Variants in SVIL observed in about 807,000 individuals in gnomAD.
SVIL encodes archvillin.
A neutral mutation model predicts 240.4 loss-of-function variants in SVIL; 101 were observed. That is an observed-to-expected ratio of 0.42 (90% CI 0.36 to 0.50). SVIL has a LOEUF of 0.50. Among genes scored for constraint, SVIL ranks in the 20% least tolerant of loss-of-function variants. SVIL has a pLI of 0.01. For missense variants in SVIL, 2,512 were observed against 2,818.7 expected (o/e 0.89, Z 2.46); for synonymous variants, 999 against 1,100.0 (o/e 0.91, Z 1.82).
At position 29,624,416 on chromosome 10, in the gene SVIL, T is replaced by C. The variant is rs183196953; in HGVS notation, c.-201+10004A>G. On this transcript the variant is annotated intron_variant, in intron 1 of 37. Coordinates refer to ENST00000355867, the MANE Select transcript of SVIL (RefSeq NM_021738.3). ...AGCCGGGTGTGGTGGCACACACCTG[T>C]AATCCCAGCTACTCAGGAGGCTGAG... Among the ~76,000 whole-genome samples the C allele has an allele frequency of 9.1e-3, 1,391 of 152,204 alleles. 23 individuals are homozygous for C. The highest frequency in any genetic ancestry group is 0.032 in the African/African-American group (1,320 of 41,526).
chr10:29,629,595 T>TTATTGTTCATCCCTTCTACTCTGACTG (rs1554881724), intron 1 of SVIL, among the ~76,000 whole-genome samples: 6 of 150,286 alleles, frequency 4.0e-5, no homozygotes, highest in South Asian at 2.1e-4. Flanking sequence ...GCACATGGTA[T>TTATTGTTCATCCCTTCTACTCTGACTG]GTGCCCAAGC....
At chr10:29,633,628 G>C (rs908382378) in intron 1 of SVIL, among the ~76,000 whole-genome samples, 1 of 151,516 alleles carries the variant, frequency 6.6e-6, no homozygotes, top group Admixed American at 6.6e-5. Flanking sequence ...ATGACTGCCC[G>C]TACTTGTCCA....
chr10:29,549,345 T>C (rs1360290717), intron 6 of SVIL, among the ~76,000 whole-genome samples: 2 of 122,526 alleles, frequency 1.6e-5, no homozygotes, highest in African/African-American at 6.1e-5. Flanking sequence ...CCAGTTAGAA[T>C]GGCAGTCATT....
chr10:29,512,358 G>GTC (rs1221525863), intron 17 of SVIL, among the ~76,000 whole-genome samples: 27 of 152,156 alleles, frequency 1.8e-4, no homozygotes, highest in African/African-American at 6.5e-4. Flanking sequence ...GGAAACACAA[G>GTC]TCTGTATTTT....
At chr10:29,502,065 G>T (rs1028602102) in intron 17 of SVIL, among the ~76,000 whole-genome samples, 3 of 152,196 alleles carry the variant, frequency 2.0e-5, no homozygotes, top group Non-Finnish European at 2.9e-5. Context: ...ACTTTGGGAT[G>T]ATACAACCAT....
At chr10:29,520,325 T>C (rs1950479383) in intron 16 of SVIL, among the ~76,000 whole-genome samples, 1 of 152,176 alleles carries the variant, frequency 6.6e-6, no homozygotes, top group Non-Finnish European at 1.5e-5. Flanking sequence ...TAACCAGTTG[T>C]CAATATTTGG....
intron 5 of SVIL, among the ~76,000 whole-genome samples, chr10:29,554,051 C>T (rs891794255): frequency 6.6e-6 from 1 of 152,160 alleles, no homozygotes; most frequent in Non-Finnish European, 1.5e-5. Context: ...CTCCGTTACC[C>T]AACAATGTGC....
rs150703806 is a variant in SVIL, at chr10:29,576,942, G to A, written c.-200-7630C>T. Among the ~76,000 whole-genome samples, 1,104 of 152,112 alleles carry A rather than the reference G, an allele frequency of 7.3e-3. 18 individuals are homozygous for A. The highest frequency in any genetic ancestry group is 0.025 in the African/African-American group (1,040 of 41,498). ...TGTCACCAGGCTGGAATGCAGTGGC[G>A]CGAGCTAGGCTCACTGCAACCTCTG... is the stretch of plus-strand genomic sequence containing the variant. On this transcript the variant is annotated intron_variant, in intron 1 of 37. Coordinates refer to ENST00000355867, the MANE Select transcript of SVIL (RefSeq NM_021738.3).
At chr10:29,700,818 CT>C (rs1962461959) in intron 1 of SVIL, among the ~76,000 whole-genome samples, 3 of 152,082 alleles carry the variant, frequency 2.0e-5, no homozygotes, top group South Asian at 2.1e-4. Context: ...TGTGGCACCC[CT>C]ACCCCCACCT....
At chr10:29,577,377 C>T (rs1000834731) in intron 1 of SVIL, among the ~76,000 whole-genome samples, 1 of 152,178 alleles carries the variant, frequency 6.6e-6, no homozygotes, top group Non-Finnish European at 1.5e-5. Context: ...TTATACAACT[C>T]TTACGCCTTT....
intron 5 of SVIL, among the ~76,000 whole-genome samples, chr10:29,553,412 G>A (rs575485680): frequency 2.0e-5 from 3 of 151,864 alleles, no homozygotes; most frequent in Non-Finnish European, 4.4e-5. Flanking sequence ...AACCTCATCT[G>A]TACTAAAAAT....
At chr10:29,664,709 T>C (rs892762659) in intron 2 of SVIL, among the ~76,000 whole-genome samples, 5 of 148,004 alleles carry the variant, frequency 3.4e-5, no homozygotes, top group South Asian at 2.2e-4. Context: ...CACACACACA[T>C]GCACACATAC....
chr10:29,507,061 G>A (rs1355519872), intron 17 of SVIL, among the ~76,000 whole-genome samples: 1 of 152,162 alleles, frequency 6.6e-6, no homozygotes, highest in Non-Finnish European at 1.5e-5. Flanking sequence ...TCTCTGGGGT[G>A]GGGTTCAGAG....
intron 5 of SVIL, among the ~76,000 whole-genome samples, chr10:29,553,910 G>A (rs1176619367): frequency 1.3e-5 from 2 of 152,188 alleles, no homozygotes; most frequent in African/African-American, 2.4e-5. Context: ...GAGAGCAGCC[G>A]CTCCCTGTAC....
chr10:29,616,097 T>C (rs1239127440), intron 1 of SVIL, among the ~76,000 whole-genome samples: 2 of 152,238 alleles, frequency 1.3e-5, no homozygotes, highest in Non-Finnish European at 2.9e-5. Context: ...CCTTTACTAT[T>C]TGAGAAATTG....
chr10:29,486,641 A>T, intron 24 of SVIL, 84 bp from the exon 25 acceptor site: 7 of 1,531,866 alleles, frequency 4.6e-6, no homozygotes, highest in Non-Finnish European at 6.2e-6. Flanking sequence ...GAGAGGAGAA[A>T]CAGTGTGCCT....
Position 29,533,445 on chromosome 10 carries a change from C to A in SVIL, c.922G>T (p.Glu308Ter). Residue 308 changes from glutamate to a stop codon, truncating the protein, a stop_gained, in exon 8 of 38, where the codon GAA (glutamate) becomes TAA (stop). Transcript: ENST00000355867. LOFTEE classifies it high-confidence loss of function. ...GCACTTTCCTCTTTCACCAATTTTT[C>A]TCTAACTTTAACTCTTTAAGAAAGA... ...INWPSRVKVREKLVKEESARN... is the reference protein window; with the variant it reads ...INWPSRVKVR 6.2e-7 allele frequency: 1 copy of A among 1,612,946 alleles called. No individual in the cohort carries two copies. Among genetic ancestry groups the A allele is most frequent in the Non-Finnish European group, 8.5e-7 (1 of 1,179,194 alleles).
chr10:29,467,682 GA>G, intron 33 of SVIL, 59 bp downstream of exon 33: 1 of 1,604,250 alleles, frequency 6.2e-7, no homozygotes, highest in Non-Finnish European at 8.5e-7. Context: ...AACAGAGCAA[GA>G]CTCTTGTTTC....
intron 20 of SVIL, among the ~76,000 whole-genome samples, chr10:29,493,995 C>A (rs1948204093): frequency 6.6e-6 from 1 of 151,980 alleles, no homozygotes. Flanking sequence ...ATAGTGGGTC[C>A]CCATCTCTAC....
Sources: allele counts gnomAD v4.1 joint callset (sites outside exome capture counted in the v4.1 genomes callset), GRCh38; gene constraint gnomAD v4.1.1; transcripts MANE v1.5; gene names NCBI Gene and HGNC (gene_info 2026-07-23, HGNC 2026-07-21).